SLCO3A1: variants seen among roughly 807,000 people sequenced by gnomAD.
SLCO3A1 encodes the protein PGE1 transporter.
A neutral mutation model predicts 63.1 loss-of-function variants in SLCO3A1; 27 were observed. The ratio of observed to expected loss-of-function variants is 0.43; its 90% confidence interval spans 0.32 to 0.59. The LOEUF is 0.59. SLCO3A1 is among the 20% of genes least tolerant of loss of function. SLCO3A1 has a pLI of 0.09. For missense variants in SLCO3A1, 773 were observed against 945.8 expected (o/e 0.82, Z 2.40); for synonymous variants, 473 against 409.9 (o/e 1.15, Z -1.86).
intron 7 of SLCO3A1, 136 bp from the exon 8 acceptor site, chr15:92,146,848 A>T (rs2048231281): frequency 1.4e-6 from 1 of 720,670 alleles, no homozygotes; most frequent in African/African-American, 1.8e-5. Flanking sequence ...AAGCTAACTA[A>T]CTCGTTTATT....
chr15:91,995,432 T>C (rs779017716), intron 2 of SLCO3A1, among the ~76,000 whole-genome samples: 3 of 152,220 alleles, frequency 2.0e-5, no homozygotes, highest in Non-Finnish European at 4.4e-5. Flanking sequence ...AATGATTATA[T>C]TGGACAGCTA....
intron 4 of SLCO3A1, among the ~76,000 whole-genome samples, chr15:92,109,225 G>A (rs2047700532): frequency 6.6e-6 from 1 of 152,158 alleles, no homozygotes; most frequent in African/African-American, 2.4e-5. Flanking sequence ...CTTGTAGATG[G>A]AAGGGAAAGG....
chr15:91,933,469 T>C (rs1368834182), intron 2 of SLCO3A1, among the ~76,000 whole-genome samples: 1 of 152,216 alleles, frequency 6.6e-6, no homozygotes. Context: ...ATTATTAGCT[T>C]CCTTTTTTGT....
intron 2 of SLCO3A1, among the ~76,000 whole-genome samples, chr15:92,085,275 G>A (rs1204841352): frequency 6.6e-6 from 1 of 152,202 alleles, no homozygotes; most frequent in African/African-American, 2.4e-5. Context: ...GTAGCCGTGT[G>A]CCTGCATCTG....
chr15:91,860,714 C>G lies in SLCO3A1; in HGVS notation c.180+6626C>G, dbSNP rs1219243739. Reference sequence around the variant, plus strand: ...TGGACATATGCTGCCCTCCAGGCAGCCTTGTTTAAAACGTGCCTTCGCAGA... The same window carrying G: ...TGGACATATGCTGCCCTCCAGGCAGGCTTGTTTAAAACGTGCCTTCGCAGA... On this transcript the variant is annotated intron_variant, in intron 1 of 9. Transcript: ENST00000318445. The surrounding 1 kb of genome is among the most constrained non-coding windows in gnomAD (Gnocchi z 5.5). Among the ~76,000 whole-genome samples the G allele has an allele frequency of 6.6e-6, 1 of 152,208 alleles. No individual in the cohort carries two copies. The highest frequency in any genetic ancestry group is 1.5e-5 in the Non-Finnish European group (1 of 68,040).
At chr15:92,111,943 A>G (rs2047734227) in intron 4 of SLCO3A1, among the ~76,000 whole-genome samples, 1 of 152,216 alleles carries the variant, frequency 6.6e-6, no homozygotes, top group Non-Finnish European at 1.5e-5. Flanking sequence ...TCTGAGATTC[A>G]TACTTCTGAA....
At chr15:91,927,912 A>C (rs1480741065) in intron 2 of SLCO3A1, among the ~76,000 whole-genome samples, 1 of 152,234 alleles carries the variant, frequency 6.6e-6, no homozygotes, top group African/African-American at 2.4e-5. Flanking sequence ...TCATTTCGCC[A>C]ACCCTGGCCT....
downstream of SLCO3A1, among the ~76,000 whole-genome samples, chr15:92,167,729 T>G (rs2048500931): frequency 6.6e-6 from 1 of 152,202 alleles, no homozygotes; most frequent in African/African-American, 2.4e-5. Context: ...GAATCCACCC[T>G]GAATGCATGC....
chr15:91,907,581 G>A (rs1898351574), intron 1 of SLCO3A1, among the ~76,000 whole-genome samples: 1 of 151,440 alleles, frequency 6.6e-6, no homozygotes, highest in South Asian at 2.1e-4. Flanking sequence ...CTGGAGTGCA[G>A]TGGCATGATC....
intron 9 of SLCO3A1, among the ~76,000 whole-genome samples, chr15:92,155,610 AGCAGGAT>A (rs1389532780): frequency 6.6e-6 from 1 of 152,150 alleles, no homozygotes; most frequent in East Asian, 1.9e-4. Flanking sequence ...CATGAGGTTT[AGCAGGAT>A]GCAGGATAAC....
At chr15:92,075,854 C>G (rs1159439640) in intron 2 of SLCO3A1, among the ~76,000 whole-genome samples, 1 of 152,222 alleles carries the variant, frequency 6.6e-6, no homozygotes, top group Non-Finnish European at 1.5e-5. Context: ...GGTTCCCTCT[C>G]TCATATAGTG....
At chr15:92,116,441 G>T (rs1025437090) in intron 4 of SLCO3A1, among the ~76,000 whole-genome samples, 24 of 152,184 alleles carry the variant, frequency 1.6e-4, no homozygotes, top group African/African-American at 5.3e-4. Flanking sequence ...GAGTTGAAAA[G>T]GTTTCTCCAG....
rs1042645733 is a variant in SLCO3A1, at chr15:91,859,033, A to G, written c.180+4945A>G. On this transcript the variant is annotated intron_variant, in intron 1 of 9. Coordinates refer to ENST00000318445, the MANE Select transcript of SLCO3A1 (RefSeq NM_013272.4). The surrounding 1 kb of genome is among the most constrained non-coding windows in gnomAD (Gnocchi z 5.1). ...TAATAAGCATGTTTCTCTAAAGTGG[A>G]GTCAAAGTACTTCTCTTCTGCATAT... Among the ~76,000 whole-genome samples the G allele has an allele frequency of 6.6e-6, 1 of 152,238 alleles. No homozygotes were observed. Among genetic ancestry groups the G allele is most frequent in the African/African-American group, 2.4e-5 (1 of 41,464 alleles).
chr15:92,145,815 G>A (rs999800639), intron 7 of SLCO3A1, among the ~76,000 whole-genome samples: 8 of 152,314 alleles, frequency 5.3e-5, no homozygotes, highest in African/African-American at 1.4e-4. Flanking sequence ...GAGCCCCAGC[G>A]TACGTCTGCC....
intron 7 of SLCO3A1, among the ~76,000 whole-genome samples, chr15:92,138,006 T>C (rs1192864895): frequency 1.8e-5 from 2 of 112,722 alleles, no homozygotes; most frequent in East Asian, 4.9e-4. Flanking sequence ...ATTTTGTCTT[T>C]TGTTGCCATT....
chr15:92,090,283 A>C (rs1246421515), intron 2 of SLCO3A1, among the ~76,000 whole-genome samples: 1 of 152,224 alleles, frequency 6.6e-6, no homozygotes, highest in East Asian at 1.9e-4. Context: ...TCACATGTCC[A>C]AGAGATGTCA....
chr15:92,150,138 G>C (rs1485128515), intron 8 of SLCO3A1, among the ~76,000 whole-genome samples: 2 of 152,154 alleles, frequency 1.3e-5, no homozygotes, highest in Non-Finnish European at 2.9e-5. Flanking sequence ...CCAAACTGAA[G>C]AACTAGGAGT....
At chr15:92,135,369 G>T (rs994265337) in intron 7 of SLCO3A1, among the ~76,000 whole-genome samples, 4 of 152,140 alleles carry the variant, frequency 2.6e-5, no homozygotes, top group African/African-American at 9.7e-5. Flanking sequence ...CGCGCCACAG[G>T]TTACCGGGGT....
At chr15:91,921,488 T>G (rs184167201) in intron 2 of SLCO3A1, among the ~76,000 whole-genome samples, 131 of 152,274 alleles carry the variant, frequency 8.6e-4, no homozygotes, top group Non-Finnish European at 2.5e-4. Flanking sequence ...CCAAAAGTTT[T>G]CGGTAAGGAG....
Sources: gnomAD v4.1 joint callset for allele counts (sites outside exome capture counted in the v4.1 genomes callset) on GRCh38, gnomAD v4.1.1 for gene constraint, Gnocchi (gnomAD v3.1) non-coding constraint, MANE v1.5 for transcripts, NCBI Gene and HGNC (gene_info 2026-07-23, HGNC 2026-07-21) for gene names.